Variants in KIRREL3 observed in about 807,000 individuals in gnomAD.
KIRREL3 encodes the protein kirre like nephrin family adhesion molecule 3, also known as kin of IRRE-like protein 3.
Under a neutral mutation model 89.7 loss-of-function variants are expected in KIRREL3, and 36 were observed. The ratio of observed to expected loss-of-function variants is 0.40; its 90% CI spans 0.31 to 0.53. KIRREL3 has a LOEUF of 0.53. Among genes scored for constraint, KIRREL3 ranks in the 20% least tolerant of loss-of-function variants. The pLI is 0.49. For synonymous variants in KIRREL3, 445 were observed against 441.4 expected (o/e 1.01, Z -0.10); for missense variants, 864 against 1,056.6 (o/e 0.82, Z 2.53).
At chr11:126,838,093 T>C (rs1943840354) in intron 1 of KIRREL3, among the ~76,000 whole-genome samples, 1 of 152,180 alleles carries the variant, frequency 6.6e-6, no homozygotes, top group Non-Finnish European at 1.5e-5. Flanking sequence ...ATCATCTGTC[T>C]GAAAGGTAAT....
In KIRREL3 at chr11:126,608,130, C is replaced by G. The variant is rs145604199; in HGVS notation, c.56-45218G>C. Among the ~76,000 whole-genome samples, 1,247 of 152,188 alleles carry G rather than the reference C, an allele frequency of 8.2e-3. 17 individuals are homozygous for G. Among genetic ancestry groups the G allele is most frequent in the African/African-American group, 0.028 (1,183 of 41,522 alleles). On this transcript the variant is annotated intron_variant, in intron 1 of 16. Coordinates refer to ENST00000525144, the MANE Select transcript of KIRREL3 (RefSeq NM_032531.4). The surrounding 1 kb of genome is among the most constrained non-coding windows in gnomAD (Gnocchi z 4.9). ...GGGACAGGGTGGGCCCAGGTGGAGT[C>G]TGAGCTGGGTGCCAATTCCAGGAAT...
At position 126,862,067 on chromosome 11, in the gene KIRREL3, G is replaced by A. The variant is rs183627250; in HGVS notation, c.55+138388C>T. On this transcript the variant is annotated intron_variant, in intron 1 of 16. Coordinates refer to ENST00000525144, the MANE Select transcript of KIRREL3 (RefSeq NM_032531.4). ...CCCTGAGGAATGAAGCCACAGCCGA[G>A]TGAAGGCGTTCCATGCTGTCCAGGT... Among the ~76,000 whole-genome samples the A allele has an allele frequency of 3.3e-5, 5 of 152,350 alleles. No individual in the cohort carries two copies. The East Asian group carries it at 5.8e-4, about 18-fold the overall frequency.
Position 126,432,121 on chromosome 11 carries a change from G to A in KIRREL3, c.1589-595C>T, listed in dbSNP as rs1441897587. On this transcript the variant is annotated intron_variant, in intron 13 of 16. Transcript: ENST00000525144. This position sits in a 1 kb window ranked among gnomAD's most constrained non-coding sequence, Gnocchi z 6.2. ...CAAGTCTCAGGGTCCAGGGAGCAGGGTTACAGCTTCTCCACTGCCACCTCT... is the reference window on the plus strand; with the variant it reads ...CAAGTCTCAGGGTCCAGGGAGCAGGATTACAGCTTCTCCACTGCCACCTCT... Among the ~76,000 whole-genome samples, 1 of 152,090 alleles carries A rather than the reference G, an allele frequency of 6.6e-6. No homozygotes were observed. The highest frequency in any genetic ancestry group is 1.5e-5 in the Non-Finnish European group (1 of 68,016).
rs1261025939 is a variant in KIRREL3, at chr11:126,571,693, TG to T, written c.56-8782del. Among the ~76,000 whole-genome samples, 11 of 152,124 alleles carry T rather than the reference TG, an allele frequency of 7.2e-5. No homozygotes were observed. Among genetic ancestry groups the T allele is most frequent in the Non-Finnish European group, 1.2e-4 (8 of 68,032 alleles). On this transcript the variant is annotated intron_variant, in intron 1 of 16. Transcript: ENST00000525144. This position sits in a 1 kb window ranked among gnomAD's most constrained non-coding sequence, Gnocchi z 7.7. ...CCAAGGTCACATTGCTAGTAAGTGCTGAGGTTAGTAAAGCTAATCATGAATG... is the reference window on the plus strand; with the variant it reads ...CCAAGGTCACATTGCTAGTAAGTGCTAGGTTAGTAAAGCTAATCATGAATG...
At chr11:126,698,879 T>G (rs527736276) in intron 1 of KIRREL3, among the ~76,000 whole-genome samples, 1 of 152,348 alleles carries the variant, frequency 6.6e-6, no homozygotes, top group East Asian at 1.9e-4. Context: ...CCCAAGTCAC[T>G]GCCCTTCGTG....
intron 1 of KIRREL3, among the ~76,000 whole-genome samples, chr11:126,717,624 C>T (rs1221007867): frequency 6.6e-6 from 1 of 152,218 alleles, no homozygotes. Flanking sequence ...GTCACCCCCA[C>T]CTAGTGGTTC....
chr11:126,652,832 C>T lies in KIRREL3; in HGVS notation c.56-89920G>A, dbSNP rs911255361. On this transcript the variant is annotated intron_variant, in intron 1 of 16. Transcript: ENST00000525144. The surrounding 1 kb of genome is among the most constrained non-coding windows in gnomAD (Gnocchi z 4.9). ...AACTTTCCTCCCTGAGATCTTCCTC[C>T]GTGAACCAACAACAAAAGGACCAGC... is the stretch of plus-strand genomic sequence containing the variant. 1.1e-4 allele frequency: 17 copies of T among 152,158 alleles called. No homozygotes were observed. The highest frequency in any genetic ancestry group is 2.6e-4 in the Admixed American group (4 of 15,272). 9.4% of individuals were successfully genotyped at this position (152,158 alleles called of 1,614,324 possible). A position where few individuals can be genotyped will look rare whatever the true frequency, so the allele number is the denominator to read the frequency against.
In KIRREL3 at chr11:126,666,567, T is replaced by C. The variant is rs929661724; in HGVS notation, c.56-103655A>G. ...TCATGTAGAAACAATGAAGAAACAT[T>C]TTTTCTCACTTACATGGCACAAGGA... On this transcript the variant is annotated intron_variant, in intron 1 of 16. Transcript: ENST00000525144. This position sits in a 1 kb window ranked among gnomAD's most constrained non-coding sequence, Gnocchi z 4.2. 1.3e-5 allele frequency among the ~76,000 whole-genome samples: 2 copies of C among 152,214 alleles called. No homozygotes were observed. The highest frequency in any genetic ancestry group is 2.9e-5 in the Non-Finnish European group (2 of 68,040).
At chr11:126,512,118 C>T (rs1004383765) in intron 4 of KIRREL3, among the ~76,000 whole-genome samples, 1 of 152,224 alleles carries the variant, frequency 6.6e-6, no homozygotes, top group African/African-American at 2.4e-5. Context: ...AGAAACAGGG[C>T]CTCATGCCGA....
chr11:126,698,090 C>T (rs889177957), intron 1 of KIRREL3, among the ~76,000 whole-genome samples: 7 of 152,250 alleles, frequency 4.6e-5, no homozygotes, highest in Middle Eastern at 3.4e-3. Context: ...CTAAATGGAG[C>T]GCAGATGGGA....
intron 1 of KIRREL3, among the ~76,000 whole-genome samples, chr11:126,911,490 G>A (rs2134908013): frequency 6.6e-6 from 1 of 152,200 alleles, no homozygotes; most frequent in Admixed American, 6.5e-5. Context: ...TCACCTTCAC[G>A]GCCTCACTGG....
intron 1 of KIRREL3, among the ~76,000 whole-genome samples, chr11:126,947,764 G>A (rs766625797): frequency 1.3e-5 from 2 of 152,204 alleles, no homozygotes; most frequent in Non-Finnish European, 2.9e-5. Flanking sequence ...ATCTGGAAAT[G>A]TTAACGTCAT....
rs77367450 is a variant in KIRREL3 at position 126,636,300 on chromosome 11, C to A, written c.56-73388G>T. Among the ~76,000 whole-genome samples the A allele has an allele frequency of 6.6e-6, 1 of 152,022 alleles. No individual in the cohort carries two copies. The highest frequency in any genetic ancestry group is 2.4e-5 in the African/African-American group (1 of 41,376). On this transcript the variant is annotated intron_variant, in intron 1 of 16. Coordinates refer to ENST00000525144, the MANE Select transcript of KIRREL3 (RefSeq NM_032531.4). The surrounding 1 kb of genome is among the most constrained non-coding windows in gnomAD (Gnocchi z 4.4). ...TTGAGCTAGTTGTGTTTGCTTGCTA[C>A]GGAGGAAATACCCATTTCAAAGAAT...
intron 1 of KIRREL3, among the ~76,000 whole-genome samples, chr11:126,921,993 AT>A (rs1947348571): frequency 6.9e-6 from 1 of 145,264 alleles, no homozygotes; most frequent in Non-Finnish European, 1.5e-5. Context: ...CTATCTATCT[AT>A]CTATCTATCT....
At chr11:126,967,101 C>T (rs981058315) in intron 1 of KIRREL3, among the ~76,000 whole-genome samples, 1 of 152,186 alleles carries the variant, frequency 6.6e-6, no homozygotes, top group African/African-American at 2.4e-5. Context: ...CTGAAACTTT[C>T]TCTGACCCGG....
intron 1 of KIRREL3, among the ~76,000 whole-genome samples, chr11:126,599,696 C>T (rs1942560906): frequency 6.6e-6 from 1 of 152,238 alleles, no homozygotes. Context: ...AAGCTCTAAT[C>T]AGGCTTCTCC....
intron 1 of KIRREL3, among the ~76,000 whole-genome samples, chr11:126,595,037 A>G (rs147153569): frequency 0.023 from 3,484 of 152,280 alleles, 54 homozygotes; most frequent in South Asian, 0.057. Flanking sequence ...ATGGGCACAG[A>G]GCTCCCCCAG....
chr11:126,435,173 A>T, intron 13 of KIRREL3, 95 bp downstream of exon 13: 1 of 1,318,490 alleles, frequency 7.6e-7, no homozygotes, highest in Non-Finnish European at 1.1e-6. Flanking sequence ...AGCGGCCAGC[A>T]CAGGCCTCCC....
rs184656800 is a variant in KIRREL3, at chr11:126,493,779, C to T, written c.434-20313G>A. On this transcript the variant is annotated intron_variant, in intron 4 of 16. Coordinates refer to ENST00000525144, the MANE Select transcript of KIRREL3 (RefSeq NM_032531.4). ...CTTCTACTCTGCCCCCAGCTGGCCC[C>T]GCCTGGGCAAACACATGGTGACAGG... 9.9e-5 allele frequency among the ~76,000 whole-genome samples: 15 copies of T among 152,248 alleles called. No individual in the cohort carries two copies. The East Asian group carries it at 2.9e-3, about 29-fold the overall frequency.
Sources: allele counts gnomAD v4.1 joint callset (sites outside exome capture counted in the v4.1 genomes callset), GRCh38; gene constraint gnomAD v4.1.1; non-coding constraint Gnocchi (gnomAD v3.1); transcripts MANE v1.5; gene names NCBI Gene and HGNC (gene_info 2026-07-23, HGNC 2026-07-21).